Variants in WDR59 observed in about 807,000 individuals in gnomAD.
WDR59 encodes the protein WD repeat domain 59.
In WDR59, 100 loss-of-function variants were observed where a neutral mutation model predicts 131.2. The ratio of observed to expected loss-of-function variants is 0.76; its 90% CI spans 0.65 to 0.90. The LOEUF (loss-of-function observed/expected upper bound fraction) is 0.90. Ranked by LOEUF, WDR59 falls within the 40% of genes least tolerant of loss-of-function variation. The pLI, the probability that WDR59 is intolerant of heterozygous loss-of-function variation, is 0.00. For missense variants in WDR59, 1,203 were observed against 1,262.2 expected, an observed-to-expected ratio of 0.95 and a Z score of 0.71; for synonymous variants, 601 against 466.2, an observed-to-expected ratio of 1.29 and a Z score of -3.72.
At chr16:74,947,746 T>C (rs1269693640) in intron 6 of WDR59, among the ~76,000 whole-genome samples, 1 of 152,096 alleles carries the variant, frequency 6.6e-6, no homozygotes, top group Non-Finnish European at 1.5e-5. Flanking sequence ...AAATACTTGT[T>C]GAAGAAATGA....
intron 18 of WDR59, 117 bp from the exon 19 acceptor site, chr16:74,893,929 G>C: frequency 8.8e-7 from 1 of 1,137,088 alleles, no homozygotes. Flanking sequence ...ATTACATCAT[G>C]CCCACAATTA....
chr16:74,939,583 T>C (rs867288328), intron 7 of WDR59, among the ~76,000 whole-genome samples: 1 of 152,176 alleles, frequency 6.6e-6, no homozygotes, highest in African/African-American at 2.4e-5. Flanking sequence ...ACCAAAATGT[T>C]AGCATTTGTC....
intron 13 of WDR59, among the ~76,000 whole-genome samples, chr16:74,913,942 C>T (rs934091051): frequency 6.6e-5 from 10 of 152,328 alleles, no homozygotes; most frequent in Middle Eastern, 6.8e-3. Flanking sequence ...CACAGTGGCT[C>T]ACGCCTGTAA....
chr16:74,880,459 A>C (rs1479727408), intron 25 of WDR59, among the ~76,000 whole-genome samples: 1 of 152,036 alleles, frequency 6.6e-6, no homozygotes, highest in Non-Finnish European at 1.5e-5. Context: ...AAAATAAATA[A>C]ATTAATTAAT....
At chr16:74,899,092 G>C (rs1965426420) in intron 18 of WDR59, among the ~76,000 whole-genome samples, 1 of 152,178 alleles carries the variant, frequency 6.6e-6, no homozygotes, top group Non-Finnish European at 1.5e-5. Flanking sequence ...GACAGAAGAG[G>C]GGAAATGGCC....
rs1483003750 is a variant in WDR59 at position 74,921,934 on chromosome 16, C to T, written c.886+13G>A. Reference sequence around the variant, plus strand: ...CTCAGAAGGAAAGTGGGCAGCAGGCCTCTCCCACTCACCTTCCTTCTGCTT... The same window carrying T: ...CTCAGAAGGAAAGTGGGCAGCAGGCTTCTCCCACTCACCTTCCTTCTGCTT... On this transcript the variant is annotated intron_variant, in intron 10 of 25. Transcript: ENST00000262144. 2.5e-6 allele frequency: 4 copies of T among 1,612,504 alleles called. No individual in the cohort carries two copies. The South Asian group carries it at 4.4e-5, about 18-fold the overall frequency.
intron 10 of WDR59, among the ~76,000 whole-genome samples, chr16:74,921,101 C>T (rs1479561896): frequency 6.6e-6 from 1 of 151,822 alleles, no homozygotes; most frequent in Non-Finnish European, 1.5e-5. Context: ...TTTATTTAAA[C>T]TTTCATTTTA....
At chr16:74,952,495 G>A (rs920562125) in intron 3 of WDR59, among the ~76,000 whole-genome samples, 1 of 145,960 alleles carries the variant, frequency 6.9e-6, no homozygotes, top group Non-Finnish European at 1.5e-5. Context: ...ATCCTCAAAA[G>A]GGTGTCCTAG....
chr16:74,891,758 A>C (rs1965053567), intron 20 of WDR59, among the ~76,000 whole-genome samples: 1 of 152,214 alleles, frequency 6.6e-6, no homozygotes, highest in Admixed American at 6.5e-5. Context: ...CCCCATCTCT[A>C]CTAAAAAGTA....
intron 11 of WDR59, among the ~76,000 whole-genome samples, chr16:74,916,818 G>A (rs991836660): frequency 1.1e-4 from 17 of 151,152 alleles, no homozygotes; most frequent in Admixed American, 6.0e-4. Context: ...AAGATCACGT[G>A]GCTGCACTCC....
At chr16:74,902,988 C>G (rs1222607454) in intron 18 of WDR59, among the ~76,000 whole-genome samples, 2 of 152,090 alleles carry the variant, frequency 1.3e-5, no homozygotes, top group African/African-American at 4.8e-5. Flanking sequence ...GTCTCAAACA[C>G]CAGTTGCTGC....
At chr16:74,914,457 C>T (rs1372386313) in intron 13 of WDR59, among the ~76,000 whole-genome samples, 1 of 152,182 alleles carries the variant, frequency 6.6e-6, no homozygotes, top group East Asian at 1.9e-4. Flanking sequence ...GAGAAAAGAA[C>T]CACATGTGGC....
rs377483751 is a variant in WDR59 at position 74,912,774 on chromosome 16, T to C, written c.1225-412A>G. Among the ~76,000 whole-genome samples, 26 of 152,360 alleles carry C rather than the reference T, an allele frequency of 1.7e-4. 2 individuals carry two copies. Among genetic ancestry groups the C allele is most frequent in the South Asian group, 1.0e-3 (5 of 4,828 alleles). Reference sequence around the variant, plus strand: ...TGATAAGCATTGTTTCTATAGATTATAGATTAACTAAAAGTATTCCTTATG... The same window carrying C: ...TGATAAGCATTGTTTCTATAGATTACAGATTAACTAAAAGTATTCCTTATG... On this transcript the variant is annotated intron_variant, in intron 13 of 25. Transcript: ENST00000262144.
At chr16:74,880,141 A>C (rs547068434) in intron 25 of WDR59, among the ~76,000 whole-genome samples, 4 of 152,054 alleles carry the variant, frequency 2.6e-5, no homozygotes, top group African/African-American at 9.6e-5. Flanking sequence ...TTAGATTCAA[A>C]TCTCATTTAA....
chr16:74,923,285 C>A (rs1263009398), intron 9 of WDR59, among the ~76,000 whole-genome samples: 2 of 152,144 alleles, frequency 1.3e-5, no homozygotes, highest in Non-Finnish European at 2.9e-5. Flanking sequence ...CAGCCCAGGT[C>A]TTCTGAATTT....
chr16:74,983,823 G>T (rs1377885631), intron 1 of WDR59, among the ~76,000 whole-genome samples: 1 of 151,690 alleles, frequency 6.6e-6, no homozygotes, highest in Non-Finnish European at 1.5e-5. Flanking sequence ...AAAAAAAAAT[G>T]AAAAATTTAG....
At position 74,918,073 on chromosome 16, in the gene WDR59, G is replaced by C. The variant is rs1966480385; in HGVS notation, c.887-65C>G. On this transcript the variant is annotated intron_variant, in intron 10 of 25. Coordinates refer to ENST00000262144, the MANE Select transcript of WDR59 (RefSeq NM_030581.4). ...ATTCAACGTCTATTTGCTAGAGGTT[G>C]AAATGGAGTGAGATTCATCCATCCA... 1.9e-5 allele frequency: 28 copies of C among 1,490,830 alleles called. No homozygotes were observed. The South Asian group carries it at 2.7e-4, about 15-fold the overall frequency. The allele number at this position is 1,490,830 out of a possible 1,614,324, so 92.4% of individuals were successfully genotyped here. A position where few individuals can be genotyped will look rare whatever the true frequency, so the allele number is the denominator to read the frequency against.
intron 1 of WDR59, among the ~76,000 whole-genome samples, chr16:74,982,926 C>T (rs942227700): frequency 1.3e-5 from 2 of 152,208 alleles, no homozygotes; most frequent in African/African-American, 4.8e-5. Context: ...AGATCTCCCT[C>T]AGTATGAATC....
intron 17 of WDR59, 35 bp downstream of exon 17, chr16:74,908,873 G>T: frequency 6.2e-7 from 1 of 1,601,678 alleles, no homozygotes; most frequent in Non-Finnish European, 8.6e-7. Context: ...CTGGCCCCGG[G>T]AACGTAGAGC....
Sources: allele counts gnomAD v4.1 joint callset (sites outside exome capture counted in the v4.1 genomes callset), GRCh38; gene constraint gnomAD v4.1.1; transcripts MANE v1.5; gene names NCBI Gene and HGNC (gene_info 2026-07-23, HGNC 2026-07-21).